Variants in ERC1 observed in about 807,000 individuals in gnomAD.
ERC1 encodes RAB6 interacting protein 2.
In ERC1, 56 loss-of-function variants were observed where a neutral mutation model predicts 132.0. That is an observed-to-expected ratio of 0.42 (90% CI 0.34 to 0.53). The LOEUF is 0.53. Among genes scored for constraint, ERC1 ranks in the 20% least tolerant of loss-of-function variants. The pLI, the probability that ERC1 is intolerant of heterozygous loss-of-function variation, is 0.03. For synonymous variants in ERC1, 478 were observed against 476.1 expected, an observed-to-expected ratio of 1.00 and a Z score of -0.05; for missense variants, 1,202 against 1,349.9, an observed-to-expected ratio of 0.89 and a Z score of 1.72.
chr12:1,413,146 A>G (rs1401125717), intron 17 of ERC1, among the ~76,000 whole-genome samples: 1 of 152,198 alleles, frequency 6.6e-6, no homozygotes, highest in Non-Finnish European at 1.5e-5. Flanking sequence ...TGAATTTTAT[A>G]AAGAAATTCC....
intron 7 of ERC1, among the ~76,000 whole-genome samples, chr12:1,121,447 G>T (rs1222499953): frequency 1.3e-5 from 2 of 152,226 alleles, no homozygotes; most frequent in African/African-American, 4.8e-5. Context: ...ATTCATGTTG[G>T]TAGAGAGGAG....
chr12:1,476,637 T>A lies in ERC1; in HGVS notation c.3214-13456T>A, dbSNP rs1243446296. 3.9e-5 allele frequency among the ~76,000 whole-genome samples: 6 copies of A among 152,268 alleles called. No homozygotes were observed. The East Asian group carries it at 1.2e-3, about 29-fold the overall frequency. ...TTGGTTGGTTTGTTGGAGTCCCCAGTATGTTCAGAGAGTGGGAAAATGGCA... is the reference window on the plus strand; with the variant it reads ...TTGGTTGGTTTGTTGGAGTCCCCAGAATGTTCAGAGAGTGGGAAAATGGCA... On this transcript the variant is annotated intron_variant, in intron 18 of 18. Transcript: ENST00000360905.
At chr12:1,227,057 T>G (rs2074635520) in intron 12 of ERC1, among the ~76,000 whole-genome samples, 1 of 152,236 alleles carries the variant, frequency 6.6e-6, no homozygotes, top group South Asian at 2.1e-4. Flanking sequence ...TGATGCACAC[T>G]TATGTTGTTT....
At chr12:1,007,017 A>G (rs1240383487) in intron 1 of ERC1, among the ~76,000 whole-genome samples, 3 of 151,536 alleles carry the variant, frequency 2.0e-5, no homozygotes, top group African/African-American at 4.8e-5. Flanking sequence ...GTGTATATAT[A>G]TGACTCTGTA....
intron 3 of ERC1, among the ~76,000 whole-genome samples, chr12:1,093,393 A>G (rs546468454): frequency 4.6e-5 from 7 of 152,298 alleles, no homozygotes; most frequent in African/African-American, 1.7e-4. Flanking sequence ...AGACTTGGTT[A>G]GTGCTGAGGG....
At chr12:1,036,337 G>A (rs1969067313) in intron 2 of ERC1, among the ~76,000 whole-genome samples, 3 of 149,422 alleles carry the variant, frequency 2.0e-5, no homozygotes, top group Non-Finnish European at 3.0e-5. Context: ...TTGATTTGCC[G>A]CATGATAAAA....
At position 1,495,827 on chromosome 12, in the gene ERC1, TTA is replaced by T; in HGVS notation, c.*5601_*5602del. The T allele has an allele frequency of 4.8e-6, 1 of 208,602 alleles. No homozygotes were observed. The highest frequency in any genetic ancestry group is 9.8e-6 in the Non-Finnish European group (1 of 102,480). 12.9% of individuals were successfully genotyped at this position (208,602 alleles called of 1,614,324 possible). On this transcript the variant is annotated 3_prime_UTR_variant, in exon 19 of 19. Coordinates refer to ENST00000360905, the MANE Select transcript of ERC1 (RefSeq NM_178040.4). ...ATAATGACATTACAAAGAAATTGTG[TTA>T]TATTCAACTTTGCCTTGATAATTAT...
intron 3 of ERC1, among the ~76,000 whole-genome samples, chr12:1,094,135 C>A (rs1478900717): frequency 1.3e-5 from 2 of 149,260 alleles, no homozygotes; most frequent in African/African-American, 4.9e-5. Flanking sequence ...TCTTCTGCCT[C>A]GGCCTCCTGA....
chr12:1,060,936 C>T, intron 2 of ERC1, among the ~76,000 whole-genome samples: 1 of 152,068 alleles, frequency 6.6e-6, no homozygotes. Context: ...CCGTGTTAGC[C>T]AGGATGATCT....
In ERC1 at chr12:1,144,616, A is replaced by G. The variant is rs555470568; in HGVS notation, c.1737+2829A>G. The stretch of plus-strand genomic sequence containing the variant: ...TTATGGCTGAGTAGAATTTTGTGGT[A>G]TATATATATATATATATACGTGTAT... On this transcript the variant is annotated intron_variant, in intron 8 of 18. Coordinates refer to ENST00000360905, the MANE Select transcript of ERC1 (RefSeq NM_178040.4). Among the ~76,000 whole-genome samples the G allele has an allele frequency of 1.8e-3, 255 of 144,656 alleles. 1 individual carries two copies. The highest frequency in any genetic ancestry group is 6.9e-3 in the South Asian group (32 of 4,652). 94.9% of individuals were successfully genotyped at this position (144,656 alleles called of 152,430 possible).
rs1383515467 is a variant in ERC1, at chr12:1,196,953, CACACACACATATATAT to C, written c.2351+6903_2351+6918del. Among the ~76,000 whole-genome samples the C allele has an allele frequency of 1.8e-4, 6 of 33,228 alleles. No homozygotes were observed. The African/African-American group carries it at 2.1e-3, about 12-fold the overall frequency. 21.8% of individuals were successfully genotyped at this position (33,228 alleles called of 152,430 possible). On this transcript the variant is annotated intron_variant, in intron 12 of 18. Coordinates refer to ENST00000360905, the MANE Select transcript of ERC1 (RefSeq NM_178040.4). ...ACACACACACACACACACACACACA[CACACACACATATATAT>C]ATATATATTTTTTTTTTTTTTTTTT...
At chr12:1,260,716 G>C (rs890154988) in intron 13 of ERC1, among the ~76,000 whole-genome samples, 3 of 152,216 alleles carry the variant, frequency 2.0e-5, no homozygotes, top group African/African-American at 7.2e-5. Flanking sequence ...GAAGGTGAGA[G>C]AGATATTTGC....
rs1945062821 is a variant in ERC1 at position 1,104,747 on chromosome 12, C to T, written c.1087-3C>T. 1.9e-6 allele frequency: 3 copies of T among 1,608,468 alleles called. No homozygotes were observed. Among genetic ancestry groups the T allele is most frequent in the Non-Finnish European group, 1.7e-6 (2 of 1,174,896 alleles). The stretch of plus-strand genomic sequence containing the variant: ...TGAATCTCTTTCTGCCTCTTTTCTA[C>T]AGGAGATGCATCGAAGGTTTGAGAA... On this transcript the variant is annotated splice_polypyrimidine_tract_variant and splice_region_variant and intron_variant, in intron 3 of 18. Coordinates refer to ENST00000360905, the MANE Select transcript of ERC1 (RefSeq NM_178040.4).
chr12:1,083,516 T>A lies in ERC1; in HGVS notation c.1022T>A (p.Met341Lys). The A allele has an allele frequency of 6.2e-7, 1 of 1,613,864 alleles. No homozygotes were observed. ...ERTRRLAEAE[M>K]HVHHLESLLE... is the part of the protein sequence containing the mutation. ...ACAAGACGACTGGCAGAGGCAGAGA[T>A]GCACGTTCATCACCTAGAAAGCCTT... Residue 341 changes from methionine to lysine, a missense_variant, in exon 3 of 19, where the codon ATG (methionine) becomes AAG (lysine). Transcript: ENST00000360905.
chr12:1,218,345 T>C (rs1204272756), intron 12 of ERC1, among the ~76,000 whole-genome samples: 2 of 152,124 alleles, frequency 1.3e-5, no homozygotes, highest in Non-Finnish European at 2.9e-5. Context: ...AAATTTTTGC[T>C]TTCTCCTTGT....
intron 2 of ERC1, among the ~76,000 whole-genome samples, chr12:1,032,501 A>G (rs991882586): frequency 2.0e-5 from 3 of 152,114 alleles, no homozygotes; most frequent in African/African-American, 7.2e-5. Flanking sequence ...TATCTCAGGG[A>G]TGTGACCTAC....
intron 11 of ERC1, among the ~76,000 whole-genome samples, chr12:1,185,532 T>G (rs1367879049): frequency 6.6e-6 from 1 of 152,066 alleles, no homozygotes; most frequent in African/African-American, 2.4e-5. Context: ...CCCTGATGCT[T>G]CTTACTGTCT....
intron 18 of ERC1, among the ~76,000 whole-genome samples, chr12:1,446,723 C>T (rs1036246514): frequency 6.6e-6 from 1 of 152,138 alleles, no homozygotes; most frequent in South Asian, 2.1e-4. Context: ...TAATAATACA[C>T]GGACATATTT....
chr12:1,140,803 C>T (rs778580391), intron 7 of ERC1, among the ~76,000 whole-genome samples: 2 of 151,904 alleles, frequency 1.3e-5, no homozygotes, highest in Non-Finnish European at 2.9e-5. Flanking sequence ...GTGAAATATA[C>T]ATTAGATATC....
Sources: gnomAD v4.1 joint callset for allele counts (sites outside exome capture counted in the v4.1 genomes callset) on GRCh38, gnomAD v4.1.1 for gene constraint, MANE v1.5 for transcripts, NCBI Gene and HGNC (gene_info 2026-07-23, HGNC 2026-07-21) for gene names.